Variants in ATE1 observed in about 807,000 individuals in gnomAD.
ATE1 encodes arginyl-tRNA--protein transferase 1.
In ATE1, 36 loss-of-function variants were observed where a neutral mutation model predicts 70.5. The observed-to-expected ratio is 0.51, with a 90% confidence interval of 0.39 to 0.67. The LOEUF is 0.67. Ranked by LOEUF, ATE1 falls within the 30% of genes least tolerant of loss-of-function variation. The probability of loss-of-function intolerance (pLI) is 0.00; values close to 1 mark genes in which losing one functional copy is unlikely to be tolerated. For synonymous variants in ATE1, 232 were observed against 219.3 expected, an observed-to-expected ratio of 1.06 and a Z score of -0.51; for missense variants, 593 against 629.5, an observed-to-expected ratio of 0.94 and a Z score of 0.62.
chr10:121,873,558 TC>T (rs1371845918), intron 7 of ATE1, among the ~76,000 whole-genome samples: 1 of 152,044 alleles, frequency 6.6e-6, no homozygotes, highest in Admixed American at 6.6e-5. Context: ...TAGTTAGACC[TC>T]CTATTAGTTA....
At chr10:121,916,692 A>G (rs1951673815) in intron 3 of ATE1, among the ~76,000 whole-genome samples, 1 of 151,970 alleles carries the variant, frequency 6.6e-6, no homozygotes, top group Admixed American at 6.6e-5. Context: ...AAAATTAGCC[A>G]GGTATGGTGG....
chr10:121,859,287 C>G (rs1949380647), intron 8 of ATE1, among the ~76,000 whole-genome samples: 1 of 147,444 alleles, frequency 6.8e-6, no homozygotes, highest in South Asian at 2.1e-4. Context: ...GACGGAGTCT[C>G]AGTCTGTCGC....
chr10:121,864,298 A>G (rs759679055), intron 8 of ATE1, among the ~76,000 whole-genome samples: 9 of 152,202 alleles, frequency 5.9e-5, no homozygotes, highest in Non-Finnish European at 7.3e-5. Context: ...AGATTCTCAT[A>G]AGCAGCTCAC....
At chr10:121,868,822 C>A (rs1326899404) in intron 8 of ATE1, among the ~76,000 whole-genome samples, 1 of 152,194 alleles carries the variant, frequency 6.6e-6, no homozygotes, top group Non-Finnish European at 1.5e-5. Flanking sequence ...GTCCATTTCT[C>A]CTGGTGACCA....
intron 10 of ATE1, among the ~76,000 whole-genome samples, chr10:121,804,347 AC>A (rs1947010192): frequency 6.6e-6 from 1 of 152,196 alleles, no homozygotes. Flanking sequence ...TGGACTTTAC[AC>A]CAAAAATGTA....
At chr10:121,758,257 G>A (rs1162242332) in intron 11 of ATE1, among the ~76,000 whole-genome samples, 1 of 152,088 alleles carries the variant, frequency 6.6e-6, no homozygotes, top group African/African-American at 2.4e-5. Flanking sequence ...ATATTTCACA[G>A]GTCACAAAAG....
chr10:121,826,964 G>A (rs751733227), intron 10 of ATE1, among the ~76,000 whole-genome samples: 3 of 151,976 alleles, frequency 2.0e-5, no homozygotes, highest in Non-Finnish European at 4.4e-5. Flanking sequence ...TGATGACTGT[G>A]TAGTATTCCA....
At chr10:121,856,086 A>C (rs1949238427) in intron 8 of ATE1, among the ~76,000 whole-genome samples, 1 of 151,968 alleles carries the variant, frequency 6.6e-6, no homozygotes, top group Non-Finnish European at 1.5e-5. Context: ...CAAAAAAAAA[A>C]AAAAAAAGAA....
chr10:121,763,095 G>A (rs1211893716), intron 11 of ATE1, among the ~76,000 whole-genome samples: 2 of 152,102 alleles, frequency 1.3e-5, no homozygotes, highest in Non-Finnish European at 2.9e-5. Flanking sequence ...CCCACTTTTA[G>A]GAATCTGTCC....
chr10:121,885,659 A>AAGGC (rs1409946384), intron 7 of ATE1, among the ~76,000 whole-genome samples: 1 of 151,704 alleles, frequency 6.6e-6, no homozygotes, highest in East Asian at 1.9e-4. Flanking sequence ...TTGGAGGGCC[A>AAGGC]AGGCAGGCAG....
intron 4 of ATE1, among the ~76,000 whole-genome samples, chr10:121,912,901 A>AT (rs1951500288): frequency 6.6e-6 from 1 of 151,300 alleles, no homozygotes; most frequent in Non-Finnish European, 1.5e-5. Flanking sequence ...AGCTCGGCCA[A>AT]TTTTTTGTTG....
At chr10:121,759,830 C>T (rs1944965597) in intron 11 of ATE1, among the ~76,000 whole-genome samples, 1 of 151,974 alleles carries the variant, frequency 6.6e-6, no homozygotes, top group Admixed American at 6.5e-5. Context: ...GGTGGCTACA[C>T]TAAACCAGAG....
intron 10 of ATE1, among the ~76,000 whole-genome samples, chr10:121,831,565 G>A (rs1306431128): frequency 6.6e-6 from 1 of 151,992 alleles, no homozygotes; most frequent in Non-Finnish European, 1.5e-5. Flanking sequence ...GACATCCATT[G>A]GATTCCTTCA....
chr10:121,895,044 T>G (rs1212721145), intron 7 of ATE1, among the ~76,000 whole-genome samples: 1 of 151,894 alleles, frequency 6.6e-6, no homozygotes, highest in East Asian at 1.9e-4. Context: ...ATGCTACAAG[T>G]AATATAAAAA....
At chr10:121,927,348 T>A in intron 1 of ATE1, 1 of 985,230 alleles carries the variant, frequency 1.0e-6, no homozygotes, top group Non-Finnish European at 1.2e-6. Context: ...TAACTTTTTT[T>A]TTTTTTAACC....
At chr10:121,898,114 GACA>G (rs1950847690) in intron 7 of ATE1, among the ~76,000 whole-genome samples, 1 of 151,912 alleles carries the variant, frequency 6.6e-6, no homozygotes, top group African/African-American at 2.4e-5. Flanking sequence ...GTTCTACTGT[GACA>G]ACGATGCCAT....
chr10:121,882,608 C>T (rs989604117), intron 7 of ATE1, among the ~76,000 whole-genome samples: 1 of 152,180 alleles, frequency 6.6e-6, no homozygotes, highest in South Asian at 2.1e-4. Context: ...GATTAGAGTT[C>T]ACATTTTCAC....
At position 121,927,806 on chromosome 10, in the gene ATE1, CGCCCGGCTTCCCACGCCCGCCG is replaced by C. The variant is rs751082556; in HGVS notation, c.106+16_106+37del. Reference sequence around the variant, plus strand: ...GGACCCTGGGATCCCGAGACCCGGGCGCCCGGCTTCCCACGCCCGCCGGCCCGGCTCGCTCACCATTGGAGCG... The same window carrying C: ...GGACCCTGGGATCCCGAGACCCGGGCGCCCGGCTCGCTCACCATTGGAGCG... On this transcript the variant is annotated intron_variant, in intron 1 of 11. Coordinates refer to ENST00000224652, the MANE Select transcript of ATE1 (RefSeq NM_001001976.3). 1.3e-6 allele frequency: 2 copies of C among 1,527,682 alleles called. No individual in the cohort carries two copies. The highest frequency in any genetic ancestry group is 1.8e-6 in the Non-Finnish European group (2 of 1,137,392). 94.6% of individuals were successfully genotyped at this position (1,527,682 alleles called of 1,614,324 possible).
chr10:121,927,123 C>G, intron 1 of ATE1: 1 of 985,274 alleles, frequency 1.0e-6, no homozygotes. Context: ...GAAATAAACA[C>G]GATGTTTTGT....
Sources: gnomAD v4.1 joint callset for allele counts (sites outside exome capture counted in the v4.1 genomes callset) on GRCh38, gnomAD v4.1.1 for gene constraint, MANE v1.5 for transcripts, NCBI Gene and HGNC (gene_info 2026-07-23, HGNC 2026-07-21) for gene names.